Variants in TAB2 observed in about 807,000 individuals in gnomAD.
The protein encoded by TAB2 is TGF-beta-activated kinase 1 and MAP3K7-binding protein 2.
In TAB2, 3 loss-of-function variants were observed where a neutral mutation model predicts 65.0. That is an observed-to-expected ratio of 0.05 (90% confidence interval 0.02 to 0.12). The LOEUF (loss-of-function observed/expected upper bound fraction) is 0.12. TAB2 is among the 10% of genes least tolerant of loss of function. The pLI is 1.00. For missense variants in TAB2, 623 were observed against 840.3 expected (o/e 0.74, Z 3.20); for synonymous variants, 298 against 285.1 (o/e 1.05, Z -0.46).
chr6:149,253,930 GAA>G (rs1339107751), intron 1 of TAB2, among the ~76,000 whole-genome samples: 1 of 128,220 alleles, frequency 7.8e-6, no homozygotes, highest in Non-Finnish European at 1.7e-5. Context: ...TCGAAAGAAA[GAA>G]AGAAAGAAAG....
intron 1 of TAB2, among the ~76,000 whole-genome samples, chr6:149,284,847 C>T (rs1386032791): frequency 6.6e-6 from 1 of 151,964 alleles, no homozygotes; most frequent in African/African-American, 2.4e-5. Context: ...TACAAGTAGC[C>T]CTGAGATTGG....
chr6:149,371,804 A>G (rs1041755297), intron 2 of TAB2, among the ~76,000 whole-genome samples: 73 of 152,326 alleles, frequency 4.8e-4, no homozygotes, highest in African/African-American at 1.7e-3. Context: ...TCAGTGGTTT[A>G]CATTTGTTAA....
chr6:149,268,421 A>T (rs2114673587), intron 1 of TAB2, among the ~76,000 whole-genome samples: 1 of 152,348 alleles, frequency 6.6e-6, no homozygotes, highest in South Asian at 2.1e-4. Flanking sequence ...TAGACTACAG[A>T]AGAGGTGAGA....
upstream of TAB2, among the ~76,000 whole-genome samples, chr6:149,313,893 A>G (rs533948290): frequency 6.6e-6 from 1 of 152,210 alleles, no homozygotes; most frequent in South Asian, 2.1e-4. Context: ...TCTTAAGATG[A>G]TCTCTCTTCT....
chr6:149,330,177 A>T (rs901998603), intron 1 of TAB2, among the ~76,000 whole-genome samples: 3 of 152,150 alleles, frequency 2.0e-5, no homozygotes, highest in African/African-American at 7.2e-5. Flanking sequence ...TTTAATGCTA[A>T]AGAGTTTACC....
At chr6:149,220,443 C>G (rs147286508) in intron 1 of TAB2, among the ~76,000 whole-genome samples, 2 of 152,236 alleles carry the variant, frequency 1.3e-5, no homozygotes, top group Non-Finnish European at 2.9e-5. Context: ...GGACACCATG[C>G]GTTGGTCATT....
chr6:149,271,219 TA>T (rs1206483840), intron 1 of TAB2, among the ~76,000 whole-genome samples: 3 of 151,942 alleles, frequency 2.0e-5, no homozygotes, highest in African/African-American at 4.8e-5. Flanking sequence ...AAAAAATATA[TA>T]TATTTTTTAA....
intron 2 of TAB2, among the ~76,000 whole-genome samples, chr6:149,371,192 A>C (rs1458242067): frequency 2.0e-5 from 3 of 151,880 alleles, no homozygotes; most frequent in African/African-American, 4.8e-5. Context: ...TAATGACTAC[A>C]TTTTGTTCAC....
intron 1 of TAB2, among the ~76,000 whole-genome samples, chr6:149,292,531 A>G (rs1051549067): frequency 5.9e-5 from 9 of 152,272 alleles, no homozygotes; most frequent in Non-Finnish European, 8.8e-5. Flanking sequence ...GAAAAAGGGA[A>G]TGAAAGAAAT....
chr6:149,270,909 G>A (rs1390367018), intron 1 of TAB2, among the ~76,000 whole-genome samples: 1 of 152,190 alleles, frequency 6.6e-6, no homozygotes, highest in Non-Finnish European at 1.5e-5. Context: ...CTTGAAGAGT[G>A]AGAAGTATTA....
chr6:149,223,399 C>T (rs1777197152), intron 1 of TAB2, among the ~76,000 whole-genome samples: 1 of 152,224 alleles, frequency 6.6e-6, no homozygotes, highest in Admixed American at 6.5e-5. Flanking sequence ...TAAGACTCGT[C>T]CAGCTCTGAC....
chr6:149,384,032 C>A (rs893357197), intron 3 of TAB2, among the ~76,000 whole-genome samples: 1 of 152,150 alleles, frequency 6.6e-6, no homozygotes, highest in African/African-American at 2.4e-5. Context: ...TAATCCTGAT[C>A]TTTAAGCAAG....
intron 1 of TAB2, among the ~76,000 whole-genome samples, chr6:149,290,450 T>C (rs927240510): frequency 1.3e-5 from 2 of 152,244 alleles, no homozygotes; most frequent in African/African-American, 4.8e-5. Flanking sequence ...TTTTTAATTA[T>C]ATTTCCTGCC....
intron 1 of TAB2, among the ~76,000 whole-genome samples, chr6:149,337,193 A>G (rs927288161): frequency 2.6e-5 from 4 of 151,598 alleles, no homozygotes; most frequent in African/African-American, 4.8e-5. Flanking sequence ...TGAATATATC[A>G]CATACAAGGT....
intron 1 of TAB2, among the ~76,000 whole-genome samples, chr6:149,219,886 C>T (rs147976941): frequency 0.02 from 3,070 of 152,260 alleles, 36 homozygotes; most frequent in Middle Eastern, 0.034. Context: ...TCTTTACGCT[C>T]TTAAAAATTA....
chr6:149,290,090 A>G (rs1778749293), intron 1 of TAB2, among the ~76,000 whole-genome samples: 1 of 152,204 alleles, frequency 6.6e-6, no homozygotes, highest in Admixed American at 6.5e-5. Context: ...GTTTCTTATT[A>G]GACTTAAAAA....
chr6:149,397,458 T>A, intron 3 of TAB2, 146 bp from the exon 4 acceptor site: 1 of 973,998 alleles, frequency 1.0e-6, no homozygotes, highest in South Asian at 1.4e-5. Flanking sequence ...AAAAAAAAAT[T>A]GAAATTTTAA....
intron 1 of TAB2, among the ~76,000 whole-genome samples, chr6:149,325,683 A>G (rs1779594145): frequency 6.6e-6 from 1 of 152,208 alleles, no homozygotes; most frequent in Non-Finnish European, 1.5e-5. Context: ...ATGAGGTTTA[A>G]TATAATACTA....
At chr6:149,288,415 G>A (rs1314168525) in intron 1 of TAB2, among the ~76,000 whole-genome samples, 3 of 152,118 alleles carry the variant, frequency 2.0e-5, no homozygotes, top group African/African-American at 7.2e-5. Context: ...CTGTGGCCCC[G>A]TTGTCTGTCA....
Sources: allele counts gnomAD v4.1 joint callset (sites outside exome capture counted in the v4.1 genomes callset), GRCh38; gene constraint gnomAD v4.1.1; transcripts MANE v1.5; gene names NCBI Gene and HGNC (gene_info 2026-07-23, HGNC 2026-07-21).